MAML3: variants seen among roughly 807,000 people sequenced by gnomAD.
The protein encoded by MAML3 is mastermind like transcriptional coactivator 3.
MAML3 carries 27 observed loss-of-function variants against 101.9 expected under a neutral mutation model. The ratio of observed to expected loss-of-function variants is 0.27; its 90% CI spans 0.20 to 0.37. The LOEUF (loss-of-function observed/expected upper bound fraction) is 0.37. MAML3 is among the 10% of genes least tolerant of loss of function. The probability of loss-of-function intolerance (pLI) is 1.00; values close to 1 mark genes in which losing one functional copy is unlikely to be tolerated. For synonymous variants in MAML3, 501 were observed against 555.9 expected (o/e 0.90, Z 1.39); for missense variants, 1,316 against 1,444.9 (o/e 0.91, Z 1.45).
In MAML3 at chr4:139,735,476, G is replaced by A. The variant is rs187107499; in HGVS notation, c.2080-4809C>T. Among the ~76,000 whole-genome samples the A allele has an allele frequency of 6.6e-6, 1 of 151,892 alleles. No individual in the cohort carries two copies. Among genetic ancestry groups the A allele is most frequent in the South Asian group, 2.1e-4 (1 of 4,796 alleles). The stretch of plus-strand genomic sequence containing the variant: ...GGGGGCAGTGGCGACCTCCGGGGGG[G>A]GAGGGTGGCGGACACCAGACCCCAG... On this transcript the variant is annotated intron_variant, in intron 2 of 4. Coordinates refer to ENST00000509479, the MANE Select transcript of MAML3 (RefSeq NM_018717.5). This position sits in a 1 kb window ranked among gnomAD's most constrained non-coding sequence, Gnocchi z 5.8.
intron 2 of MAML3, among the ~76,000 whole-genome samples, chr4:139,769,944 C>G (rs1400509430): frequency 7.4e-6 from 1 of 134,728 alleles, no homozygotes; most frequent in Admixed American, 7.9e-5. Context: ...TTTAAAGACA[C>G]AGTCTCCCTC....
rs200126630 is a variant in MAML3, at chr4:139,967,962, CAAAAAAA to C, written c.469-77002_469-76996del. 1.4e-4 allele frequency among the ~76,000 whole-genome samples: 14 copies of C among 102,940 alleles called. No homozygotes were observed. In the East Asian group the frequency reaches 1.4e-3, roughly 10 times the overall value. The allele number at this position is 102,940 out of a possible 152,430, so 67.5% of individuals were successfully genotyped here. A position where few individuals can be genotyped will look rare whatever the true frequency, so the allele number is the denominator to read the frequency against. On this transcript the variant is annotated intron_variant, in intron 1 of 4. Coordinates refer to ENST00000509479, the MANE Select transcript of MAML3 (RefSeq NM_018717.5). ...ATCTGTGAAAAGTGAGACCCTGTCT[CAAAAAAA>C]AAAAAAAAAAAGAGAAAAGAAAAGA...
At chr4:139,883,889 C>CTTTTTTTTTTTTTTTTT in intron 2 of MAML3, among the ~76,000 whole-genome samples, 1 of 74,324 alleles carries the variant, frequency 1.3e-5, no homozygotes, top group Non-Finnish European at 2.5e-5. Flanking sequence ...AATTGCTTGT[C>CTTTTTTTTTTTTTTTTT]TTTTTTTTTT....
chr4:139,832,277 T>A (rs928832214), intron 2 of MAML3, among the ~76,000 whole-genome samples: 29 of 143,432 alleles, frequency 2.0e-4, no homozygotes, highest in African/African-American at 6.7e-4. Context: ...GCTATTTTTT[T>A]TTTTATTTTT....
At position 139,717,197 on chromosome 4, in the gene MAML3, C is replaced by T. The variant is rs1403780840; in HGVS notation, c.*2126G>A. Reference sequence around the variant, plus strand: ...AACAAAACCACCATATTAAAATCTACCTATTAGTTGGTCCCAGTACTGAGC... The same window carrying T: ...AACAAAACCACCATATTAAAATCTATCTATTAGTTGGTCCCAGTACTGAGC... On this transcript the variant is annotated 3_prime_UTR_variant, in exon 5 of 5. Coordinates refer to ENST00000509479, the MANE Select transcript of MAML3 (RefSeq NM_018717.5). 1 of 152,516 alleles carries T rather than the reference C, an allele frequency of 6.6e-6. No individual in the cohort carries two copies. Among genetic ancestry groups the T allele is most frequent in the Non-Finnish European group, 1.5e-5 (1 of 68,024 alleles). The allele number at this position is 152,516 out of a possible 1,614,324, so 9.4% of individuals were successfully genotyped here. A position where few individuals can be genotyped will look rare whatever the true frequency, so the allele number is the denominator to read the frequency against.
intron 2 of MAML3, among the ~76,000 whole-genome samples, chr4:139,742,990 T>G (rs1211232589): frequency 6.6e-6 from 1 of 152,194 alleles, no homozygotes. Context: ...AAGCCAAGTC[T>G]GACCTCCTTA....
intron 1 of MAML3, among the ~76,000 whole-genome samples, chr4:139,997,813 T>A (rs948622184): frequency 1.3e-5 from 2 of 152,082 alleles, no homozygotes; most frequent in South Asian, 4.1e-4. Context: ...GATAGTTTGG[T>A]TAGGTACAGA....
chr4:139,894,724 C>CG (rs945378688), intron 1 of MAML3, among the ~76,000 whole-genome samples: 10 of 80,696 alleles, frequency 1.2e-4, no homozygotes, highest in Admixed American at 3.5e-4. Flanking sequence ...TAGAATTTGA[C>CG]GGAAAAAAAA....
At chr4:139,775,347 T>G (rs965869473) in intron 2 of MAML3, among the ~76,000 whole-genome samples, 2 of 152,112 alleles carry the variant, frequency 1.3e-5, no homozygotes, top group Non-Finnish European at 2.9e-5. Context: ...AACTGTGGGG[T>G]ACAAAGGATG....
intron 2 of MAML3, among the ~76,000 whole-genome samples, chr4:139,775,949 G>A (rs1043550732): frequency 2.0e-5 from 3 of 152,118 alleles, no homozygotes; most frequent in Non-Finnish European, 1.5e-5. Flanking sequence ...CCCCAACTCA[G>A]GGAAATAGGG....
intron 1 of MAML3, among the ~76,000 whole-genome samples, chr4:139,978,675 C>T (rs1033185732): frequency 4.7e-5 from 7 of 150,516 alleles, no homozygotes; most frequent in African/African-American, 1.7e-4. Flanking sequence ...TCTCTTCCTT[C>T]AGGGGCTCCA....
chr4:139,793,888 CT>C (rs750064169), intron 2 of MAML3, among the ~76,000 whole-genome samples: 3 of 152,110 alleles, frequency 2.0e-5, no homozygotes, highest in Non-Finnish European at 2.9e-5. Flanking sequence ...TGGTTGTACA[CT>C]GAGAATACAT....
chr4:140,129,393 C>T (rs1418875908), intron 1 of MAML3, among the ~76,000 whole-genome samples: 1 of 152,182 alleles, frequency 6.6e-6, no homozygotes, highest in Non-Finnish European at 1.5e-5. Context: ...CCCCTACCCC[C>T]AATTCTTATG....
rs1234433930 is a variant in MAML3, at chr4:139,735,613, T to C, written c.2080-4946A>G. On this transcript the variant is annotated intron_variant, in intron 2 of 4. Coordinates refer to ENST00000509479, the MANE Select transcript of MAML3 (RefSeq NM_018717.5). This position sits in a 1 kb window ranked among gnomAD's most constrained non-coding sequence, Gnocchi z 5.8. ...GTCGGCCCGGCACCGCTGCTTCGGC[T>C]CAGAGTCCTTGCAATCGCTTGGCCT... Among the ~76,000 whole-genome samples, 1 of 152,178 alleles carries C rather than the reference T, an allele frequency of 6.6e-6. No homozygotes were observed.
intron 1 of MAML3, among the ~76,000 whole-genome samples, chr4:139,911,588 C>T (rs1362066986): frequency 1.3e-5 from 2 of 152,164 alleles, no homozygotes; most frequent in Non-Finnish European, 2.9e-5. Context: ...TGTCTCCTTG[C>T]TGAAATTCAC....
At position 140,153,562 on chromosome 4, in the gene MAML3, T is replaced by C; in HGVS notation, c.-235A>G. 7.9e-6 allele frequency: 4 copies of C among 504,010 alleles called. 1 individual carries two copies. The South Asian group carries it at 1.3e-4, about 17-fold the overall frequency. 31.2% of individuals were successfully genotyped at this position (504,010 alleles called of 1,614,324 possible). On this transcript the variant is annotated 5_prime_UTR_variant, in exon 1 of 5. It adds an upstream start codon to the 5' untranslated region. Coordinates refer to ENST00000509479, the MANE Select transcript of MAML3 (RefSeq NM_018717.5). The stretch of plus-strand genomic sequence containing the variant: ...CAAGGGGAAGAAAAGGGGGGAACGT[T>C]ATCGGAATACCATCAGACACCTATC...
intron 2 of MAML3, among the ~76,000 whole-genome samples, chr4:139,736,836 C>T (rs955765733): frequency 6.6e-6 from 1 of 152,170 alleles, no homozygotes; most frequent in Non-Finnish European, 1.5e-5. Flanking sequence ...TAATCCTGTG[C>T]CCTGATTAGA....
At chr4:139,975,835 G>A (rs894303875) in intron 1 of MAML3, among the ~76,000 whole-genome samples, 1 of 152,202 alleles carries the variant, frequency 6.6e-6, no homozygotes, top group African/African-American at 2.4e-5. Context: ...CTGACTAGGA[G>A]AGACTTCATC....
chr4:139,789,970 A>C (rs112362543), intron 2 of MAML3, among the ~76,000 whole-genome samples: 2 of 152,102 alleles, frequency 1.3e-5, no homozygotes, highest in African/African-American at 4.8e-5. Context: ...TGAGAATCCC[A>C]GGAGAAGTCT....
Sources: allele counts gnomAD v4.1 joint callset (sites outside exome capture counted in the v4.1 genomes callset), GRCh38; gene constraint gnomAD v4.1.1; non-coding constraint Gnocchi (gnomAD v3.1); transcripts MANE v1.5; gene names NCBI Gene and HGNC (gene_info 2026-07-23, HGNC 2026-07-21).